Variants in PAPPA observed in about 807,000 individuals in gnomAD.
PAPPA encodes pappalysin-1.
In PAPPA, 60 loss-of-function variants were observed where a neutral mutation model predicts 164.0. The observed-to-expected ratio is 0.37, with a 90% CI of 0.30 to 0.45. The LOEUF is 0.45. Among genes scored for constraint, PAPPA ranks in the 20% least tolerant of loss-of-function variants. PAPPA has a pLI of 1.00. For missense variants in PAPPA, 1,782 were observed against 2,087.3 expected, an observed-to-expected ratio of 0.85 and a Z score of 2.85; for synonymous variants, 875 against 814.1, an observed-to-expected ratio of 1.07 and a Z score of -1.27.
At chr9:116,190,739 T>A (rs1423471476) in intron 2 of PAPPA, among the ~76,000 whole-genome samples, 1 of 152,224 alleles carries the variant, frequency 6.6e-6, no homozygotes, top group Non-Finnish European at 1.5e-5. Context: ...CAGACAGCAC[T>A]GGCAGGTTCC....
chr9:116,375,569 A>G (rs911339229), intron 19 of PAPPA, among the ~76,000 whole-genome samples: 2 of 152,182 alleles, frequency 1.3e-5, no homozygotes, highest in Non-Finnish European at 2.9e-5. Context: ...TATAAAATAA[A>G]TATTTATTTA....
Position 116,335,067 on chromosome 9 carries a change from G to C in PAPPA, c.3604G>C (p.Glu1202Gln). The C allele has an allele frequency of 2.5e-6, 4 of 1,612,644 alleles. No homozygotes were observed. Among genetic ancestry groups the C allele is most frequent in the Non-Finnish European group, 3.4e-6 (4 of 1,179,738 alleles). Reference protein sequence around the residue: ...CQRGETYSPAEQSCVHFACEK... With the variant: ...CQRGETYSPAQQSCVHFACEK... ...GAGAGGGGAGACCTACAGCCCTGCC[G>C]AGCAGAGGTAAGGGATCCGCGGCAG... The change falls in exon 13 of 22, where the codon GAG (glutamate) becomes CAG (glutamine). Residue 1202 changes from glutamate (E) to glutamine (Q), a missense_variant. Around this residue, in one of 2 missense-constraint regions of PAPPA, gnomAD observed 1,324 missense variants for 1,656.9 expected, o/e 0.80. Transcript: ENST00000328252.
At chr9:116,205,013 G>A (rs1361958560) in intron 2 of PAPPA, among the ~76,000 whole-genome samples, 1 of 151,720 alleles carries the variant, frequency 6.6e-6, no homozygotes, top group Admixed American at 6.6e-5. Flanking sequence ...CTCTGTATTA[G>A]TGGGAATACC....
intron 5 of PAPPA, among the ~76,000 whole-genome samples, chr9:116,224,081 C>A (rs537870347): frequency 2.6e-5 from 4 of 152,328 alleles, no homozygotes; most frequent in African/African-American, 9.6e-5. Flanking sequence ...TCCATCAATG[C>A]CAACCTCTCG....
intron 9 of PAPPA, among the ~76,000 whole-genome samples, chr9:116,289,228 AT>A (rs1476217233): frequency 0.014 from 889 of 64,648 alleles, 119 homozygotes; most frequent in Non-Finnish European, 0.015. Flanking sequence ...TAGCATATAT[AT>A]ATAGCATATA....
intron 10 of PAPPA, 70 bp from the exon 11 acceptor site, chr9:116,331,174 G>A (rs55915923): frequency 2.0e-6 from 2 of 1,009,870 alleles, no homozygotes; most frequent in Non-Finnish European, 3.1e-6. Flanking sequence ...GTAAAGGTTT[G>A]TAAAATTGAA....
At chr9:116,289,700 G>A (rs931164370) in intron 9 of PAPPA, among the ~76,000 whole-genome samples, 1 of 151,998 alleles carries the variant, frequency 6.6e-6, no homozygotes, top group Non-Finnish European at 1.5e-5. Flanking sequence ...ACGTTCATTC[G>A]TTCAGCAAAT....
Position 116,187,528 on chromosome 9 carries a change from A to G in PAPPA, c.790A>G (p.Thr264Ala), listed in dbSNP as rs1347057828. The G allele has an allele frequency of 6.2e-7, 1 of 1,614,156 alleles. No individual in the cohort carries two copies. Among genetic ancestry groups the G allele is most frequent in the East Asian group, 2.2e-5 (1 of 44,864 alleles). The change falls in exon 2 of 22, where the codon ACT becomes GCT. Residue 264 changes from threonine (T) to alanine (A), a missense_variant. This residue lies in a region of PAPPA where 458 missense variants were observed against 430.3 expected (regional missense o/e 1.06). Coordinates refer to ENST00000328252, the MANE Select transcript of PAPPA (RefSeq NM_002581.5). This position sits in a 1 kb window ranked among gnomAD's most constrained non-coding sequence, Gnocchi z 4.2. ...EHFSLWKVAR[T>A]QREILSDMET... ...CTTCAGTCTGTGGAAGGTGGCCAGG[A>G]CTCAGCGGGAGATACTGTCTGACAT...
At chr9:116,261,582 C>A (rs1845001661) in intron 7 of PAPPA, among the ~76,000 whole-genome samples, 1 of 152,152 alleles carries the variant, frequency 6.6e-6, no homozygotes, top group South Asian at 2.1e-4. Flanking sequence ...TAACTACATA[C>A]CAATAAACTT....
intron 9 of PAPPA, among the ~76,000 whole-genome samples, chr9:116,285,422 C>T (rs1180310334): frequency 1.3e-5 from 2 of 152,070 alleles, no homozygotes; most frequent in African/African-American, 4.8e-5. Context: ...CCACCTCGGC[C>T]AGGATTTGCA....
chr9:116,369,319 G>GGGA (rs1255393028), intron 19 of PAPPA, among the ~76,000 whole-genome samples: 1 of 152,150 alleles, frequency 6.6e-6, no homozygotes, highest in African/African-American at 2.4e-5. Context: ...CAGGCATGCA[G>GGGA]GGAGCCCACA....
At chr9:116,332,725 C>T in intron 12 of PAPPA, 2 of 376,310 alleles carry the variant, frequency 5.3e-6, no homozygotes, top group Non-Finnish European at 9.8e-6. Flanking sequence ...ACTCAGACAT[C>T]CTGTATTATT....
intron 10 of PAPPA, among the ~76,000 whole-genome samples, chr9:116,320,767 GTGTGT>G (rs984941209): frequency 6.6e-5 from 10 of 152,240 alleles, no homozygotes; most frequent in Non-Finnish European, 1.0e-4. Flanking sequence ...GTGTGTGCCT[GTGTGT>G]TGTGTTGTGT....
chr9:116,245,120 A>G (rs966422215), intron 7 of PAPPA, among the ~76,000 whole-genome samples: 5 of 151,456 alleles, frequency 3.3e-5, no homozygotes, highest in African/African-American at 7.3e-5. Context: ...ACACATAGAC[A>G]TAGAGTATGG....
At chr9:116,311,375 A>G (rs1001721136) in intron 10 of PAPPA, among the ~76,000 whole-genome samples, 3 of 152,220 alleles carry the variant, frequency 2.0e-5, no homozygotes, top group African/African-American at 7.2e-5. Flanking sequence ...TTTCGATAAG[A>G]AAAGACAAAG....
At chr9:116,363,777 A>G (rs1198372205) in intron 18 of PAPPA, among the ~76,000 whole-genome samples, 2 of 152,238 alleles carry the variant, frequency 1.3e-5, no homozygotes, top group African/African-American at 4.8e-5. Context: ...CTGCATGTCC[A>G]GAAGCAAGGC....
intron 10 of PAPPA, among the ~76,000 whole-genome samples, chr9:116,308,021 C>G (rs1462429891): frequency 1.3e-5 from 2 of 152,172 alleles, no homozygotes; most frequent in Admixed American, 6.5e-5. Context: ...TCCTTCTTTG[C>G]ACTCCCCCCA....
intron 12 of PAPPA, 82 bp downstream of exon 12, chr9:116,332,550 AGAATG>A: frequency 1.6e-6 from 2 of 1,255,432 alleles, no homozygotes; most frequent in Non-Finnish European, 2.2e-6. Context: ...GGATCAGCTT[AGAATG>A]AGCTCTTCCT....
At chr9:116,159,749 T>C (rs1843645825) in intron 1 of PAPPA, among the ~76,000 whole-genome samples, 1 of 152,078 alleles carries the variant, frequency 6.6e-6, no homozygotes, top group Non-Finnish European at 1.5e-5. Context: ...CTCCCATTTT[T>C]CCCTGCACAG....
Sources: gnomAD v4.1 joint callset for allele counts (sites outside exome capture counted in the v4.1 genomes callset) on GRCh38, gnomAD v4.1.1 for gene constraint, gnomAD v4.1.1 regional missense constraint, Gnocchi (gnomAD v3.1) non-coding constraint, MANE v1.5 for transcripts, NCBI Gene and HGNC (gene_info 2026-07-23, HGNC 2026-07-21) for gene names.